Variants in CNOT4 observed in about 807,000 individuals in gnomAD.
The protein encoded by CNOT4 is CCR4-associated factor 4.
Under a neutral mutation model 73.8 loss-of-function variants are expected in CNOT4, and 8 were observed. The observed-to-expected ratio is 0.11, with a 90% CI of 0.06 to 0.20. CNOT4 has a LOEUF of 0.20. CNOT4 is among the 10% of genes least tolerant of loss of function. The pLI, the probability that CNOT4 is intolerant of heterozygous loss-of-function variation, is 1.00. For synonymous variants in CNOT4, 293 were observed against 321.1 expected (o/e 0.91, Z 0.94); for missense variants, 564 against 883.4 (o/e 0.64, Z 4.58).
chr7:135,471,487 A>G (rs1240510779), intron 1 of CNOT4, among the ~76,000 whole-genome samples: 1 of 152,244 alleles, frequency 6.6e-6, no homozygotes, highest in East Asian at 1.9e-4. Flanking sequence ...GGTAATAAGT[A>G]TGCATAAAAG....
At chr7:135,391,184 T>TA (rs1445483817) in intron 10 of CNOT4, among the ~76,000 whole-genome samples, 2 of 152,148 alleles carry the variant, frequency 1.3e-5, no homozygotes, top group Non-Finnish European at 2.9e-5. Flanking sequence ...TTCTAATAGT[T>TA]ACTGAAAATC....
chr7:135,405,800 G>A (rs1443624276), intron 7 of CNOT4, among the ~76,000 whole-genome samples: 1 of 152,068 alleles, frequency 6.6e-6, no homozygotes, highest in Non-Finnish European at 1.5e-5. Flanking sequence ...TAATAGCTAT[G>A]GTAATCTTAA....
intron 10 of CNOT4, among the ~76,000 whole-genome samples, chr7:135,381,856 C>A (rs1233333814): frequency 6.6e-6 from 1 of 152,122 alleles, no homozygotes; most frequent in African/African-American, 2.4e-5. Flanking sequence ...GGGGAAAAAG[C>A]ATTTTGGGAT....
chr7:135,365,046 C>T lies in CNOT4; in HGVS notation c.1628-980G>A, dbSNP rs1416434467. On this transcript the variant is annotated intron_variant, in intron 10 of 11. Coordinates refer to ENST00000541284, the MANE Select transcript of CNOT4 (RefSeq NM_001190850.2). ...GCATAGAAAAATATTTCTGATTCTA[C>T]AGAACTGATTGGCAATCAACGCTGA... Among the ~76,000 whole-genome samples, 3 of 152,286 alleles carry T rather than the reference C, an allele frequency of 2.0e-5. No homozygotes were observed. In the East Asian group the frequency reaches 5.8e-4, roughly 29 times the overall value.
At chr7:135,438,965 T>C (rs1368921472) in intron 1 of CNOT4, among the ~76,000 whole-genome samples, 2 of 152,130 alleles carry the variant, frequency 1.3e-5, no homozygotes, top group Non-Finnish European at 2.9e-5. Context: ...ACTAATTATG[T>C]AATAACATGC....
chr7:135,417,682 CAA>C, intron 3 of CNOT4, among the ~76,000 whole-genome samples: 1 of 152,284 alleles, frequency 6.6e-6, no homozygotes, highest in South Asian at 2.1e-4. Context: ...TAAGAACATT[CAA>C]AAGTTTTCCA....
chr7:135,415,355 A>G, intron 3 of CNOT4, 93 bp from the exon 4 acceptor site: 1 of 621,608 alleles, frequency 1.6e-6, no homozygotes, highest in Non-Finnish European at 2.8e-6. Context: ...CTTCAGCAAA[A>G]GGAAAAAGAT....
intron 3 of CNOT4, among the ~76,000 whole-genome samples, chr7:135,419,875 T>C (rs1798080821): frequency 6.7e-6 from 1 of 148,440 alleles, no homozygotes. Flanking sequence ...AAACCCCATC[T>C]CCACTAAAAA....
At chr7:135,397,251 A>T (rs1469736949) in intron 8 of CNOT4, among the ~76,000 whole-genome samples, 3 of 152,164 alleles carry the variant, frequency 2.0e-5, no homozygotes, top group Non-Finnish European at 2.9e-5. Context: ...GTATTTTTTT[A>T]AATGGATGAC....
At chr7:135,487,281 A>T (rs1446753946) in intron 1 of CNOT4, among the ~76,000 whole-genome samples, 1 of 151,748 alleles carries the variant, frequency 6.6e-6, no homozygotes, top group Non-Finnish European at 1.5e-5. Context: ...CCTCTCACCC[A>T]GGCTAGAGTG....
intron 1 of CNOT4, among the ~76,000 whole-genome samples, chr7:135,446,722 G>GAC (rs138071477): frequency 1.2e-4 from 18 of 149,392 alleles, no homozygotes; most frequent in East Asian, 5.9e-4. Context: ...TACACACACA[G>GAC]ACACACACAC....
intron 1 of CNOT4, among the ~76,000 whole-genome samples, chr7:135,454,263 C>T (rs2551767): frequency 0.58 from 87,146 of 151,492 alleles, 25,321 homozygotes; most frequent in East Asian, 0.76. Flanking sequence ...CTGGTCCACA[C>T]ACAACTAGTT....
chr7:135,421,330 A>C (rs1223635471), intron 3 of CNOT4, among the ~76,000 whole-genome samples: 2 of 152,116 alleles, frequency 1.3e-5, no homozygotes, highest in Non-Finnish European at 2.9e-5. Context: ...GCCAAGTATT[A>C]CTTTAAATTC....
intron 1 of CNOT4, among the ~76,000 whole-genome samples, chr7:135,482,181 T>C (rs1802423789): frequency 6.6e-6 from 1 of 152,164 alleles, no homozygotes; most frequent in African/African-American, 2.4e-5. Flanking sequence ...CATATAATAC[T>C]CACATGTACT....
Position 135,363,859 on chromosome 7 carries a change from A to G in CNOT4, c.1835T>C (p.Ile612Thr). ...SPGSWTDPAI[I>T]TGIPASSGNS... ...GAAGGGAGTGAGAAAGTTACCTGTGATGATGGCTGGGTCTGTCCAGCTGCC... is the reference window on the plus strand; with the variant it reads ...GAAGGGAGTGAGAAAGTTACCTGTGGTGATGGCTGGGTCTGTCCAGCTGCC... Residue 612 changes from isoleucine to threonine, a missense_variant, in exon 11 of 12, where the codon ATC becomes ACC. Physicochemically the swap from Ile to Thr is moderately conservative, Grantham distance 89. This residue lies in a region of CNOT4 where 53 missense variants were observed against 75.4 expected (regional missense o/e 0.70). Transcript: ENST00000541284. The surrounding 1 kb of genome is among the most constrained non-coding windows in gnomAD (Gnocchi z 4.3). 1 of 1,591,364 alleles carries G rather than the reference A, an allele frequency of 6.3e-7. No homozygotes were observed. Among genetic ancestry groups the G allele is most frequent in the Non-Finnish European group, 8.5e-7 (1 of 1,175,312 alleles).
chr7:135,445,745 A>G (rs1002399514), intron 1 of CNOT4, among the ~76,000 whole-genome samples: 18 of 152,348 alleles, frequency 1.2e-4, no homozygotes, highest in African/African-American at 4.3e-4. Flanking sequence ...TAATAATAAA[A>G]AAAGACTATA....
intron 1 of CNOT4, among the ~76,000 whole-genome samples, chr7:135,495,690 A>AG (rs1803482560): frequency 1.8e-4 from 7 of 38,654 alleles, no homozygotes; most frequent in African/African-American, 5.3e-4. Context: ...AAAAAAAAAA[A>AG]AAAGAAAGAA....
At chr7:135,458,272 G>A (rs926185925) in intron 1 of CNOT4, among the ~76,000 whole-genome samples, 2 of 152,062 alleles carry the variant, frequency 1.3e-5, no homozygotes, top group African/African-American at 4.8e-5. Flanking sequence ...AGAAAACAAT[G>A]TATACACCTT....
intron 10 of CNOT4, among the ~76,000 whole-genome samples, chr7:135,391,122 T>A (rs1203007480): frequency 1.3e-5 from 2 of 152,116 alleles, no homozygotes; most frequent in African/African-American, 2.4e-5. Flanking sequence ...TGCTTCAAAT[T>A]AGACATAGTT....
Sources: gnomAD v4.1 joint callset for allele counts (sites outside exome capture counted in the v4.1 genomes callset) on GRCh38, gnomAD v4.1.1 for gene constraint, gnomAD v4.1.1 regional missense constraint, Gnocchi (gnomAD v3.1) non-coding constraint, MANE v1.5 for transcripts, NCBI Gene and HGNC (gene_info 2026-07-23, HGNC 2026-07-21) for gene names.